Variants in ELP2 observed in about 807,000 individuals in gnomAD.
The protein encoded by ELP2 is elongator complex protein 2.
Under a neutral mutation model 119.2 loss-of-function variants are expected in ELP2, and 90 were observed. That is an observed-to-expected ratio of 0.75 (90% CI 0.64 to 0.90). The LOEUF (loss-of-function observed/expected upper bound fraction) is 0.90. Among genes scored for constraint, ELP2 ranks in the 40% least tolerant of loss-of-function variants. The pLI is 0.00. For missense variants in ELP2, 921 were observed against 967.8 expected (o/e 0.95, Z 0.64); for synonymous variants, 339 against 331.0 (o/e 1.02, Z -0.26).
Position 36,155,009 on chromosome 18 carries a change from CTTATTTATTTAT to C in ELP2, c.1275+17_1275+28del, listed in dbSNP as rs751908005. 1 of 1,606,624 alleles carries C rather than the reference CTTATTTATTTAT, an allele frequency of 6.2e-7. No homozygotes were observed. The highest frequency in any genetic ancestry group is 8.5e-7 in the Non-Finnish European group (1 of 1,173,700). On this transcript the variant is annotated intron_variant, in intron 12 of 21. Transcript: ENST00000358232. ...AAAAGACCAATCACAGGTAAAATGTCTTATTTATTTATTTATTTTTTCTTGGGACAGAGTTTC... is the reference window on the plus strand; with the variant it reads ...AAAAGACCAATCACAGGTAAAATGTCTTATTTTTTCTTGGGACAGAGTTTC...
intron 11 of ELP2, among the ~76,000 whole-genome samples, chr18:36,149,521 C>T (rs1298986367): frequency 3.2e-5 from 4 of 124,666 alleles, no homozygotes; most frequent in Non-Finnish European, 4.8e-5. Context: ...ATCATCCCTG[C>T]TGTTCCAGTA....
intron 18 of ELP2, chr18:36,164,871 CCTA>C: frequency 1.7e-6 from 1 of 591,306 alleles, no homozygotes; most frequent in Non-Finnish European, 3.0e-6. Context: ...TTTGGGTTGA[CCTA>C]CTTGTGATTA....
At chr18:36,151,701 G>T (rs1016779259) in intron 11 of ELP2, among the ~76,000 whole-genome samples, 1 of 151,026 alleles carries the variant, frequency 6.6e-6, no homozygotes, top group African/African-American at 2.4e-5. Context: ...AGAAATGATG[G>T]TTGGGCATCC....
chr18:36,137,699 A>G (rs2089874849), intron 3 of ELP2, among the ~76,000 whole-genome samples: 1 of 150,890 alleles, frequency 6.6e-6, no homozygotes, highest in Admixed American at 6.7e-5. Context: ...TTGCAGCCCT[A>G]CTTGATTTAG....
rs959469830 is a variant in ELP2, at chr18:36,176,734, A to G, written c.*2093A>G. 1 of 151,326 alleles carries G rather than the reference A, an allele frequency of 6.6e-6. No individual in the cohort carries two copies. Among genetic ancestry groups the G allele is most frequent in the Non-Finnish European group, 1.5e-5 (1 of 68,032 alleles). 9.4% of individuals were successfully genotyped at this position (151,326 alleles called of 1,614,324 possible). On this transcript the variant is annotated 3_prime_UTR_variant, in exon 22 of 22. Coordinates refer to ENST00000358232, the MANE Select transcript of ELP2 (RefSeq NM_018255.4). ...GTAATTCATAATATCTGAAGCAATT[A>G]TTATGAATTGTAGTAATTCATAATA...
rs777786974 is a variant in ELP2 at position 36,174,894 on chromosome 18, C to T, written c.*253C>T. On this transcript the variant is annotated 3_prime_UTR_variant, in exon 22 of 22. Coordinates refer to ENST00000358232, the MANE Select transcript of ELP2 (RefSeq NM_018255.4). ...ATTTTTAGTAGAGACTGGGTTTCAC[C>T]GTTGGCCAGGCGGGTCTCAAACTCC... 6 of 403,780 alleles carry T rather than the reference C, an allele frequency of 1.5e-5. No individual in the cohort carries two copies. The highest frequency in any genetic ancestry group is 5.0e-5 in the East Asian group (1 of 19,844). The allele number at this position is 403,780 out of a possible 1,614,324, so 25.0% of individuals were successfully genotyped here.
intron 3 of ELP2, chr18:36,137,337 T>G (rs1200484882): frequency 6.6e-6 from 1 of 152,212 alleles, no homozygotes; most frequent in African/African-American, 2.4e-5. Flanking sequence ...CCACTGCACC[T>G]GGCTTAAGTG....
chr18:36,151,056 C>T (rs1207409575), intron 11 of ELP2, among the ~76,000 whole-genome samples: 1 of 149,524 alleles, frequency 6.7e-6, no homozygotes, highest in East Asian at 2.0e-4. Context: ...TCAGATTTTT[C>T]ACTGTAGTCT....
At chr18:36,140,171 A>G (rs2089971733) in intron 5 of ELP2, among the ~76,000 whole-genome samples, 1 of 146,952 alleles carries the variant, frequency 6.8e-6, no homozygotes, top group Non-Finnish European at 1.5e-5. Flanking sequence ...TAAATTTTTT[A>G]TTTTATTTTT....
intron 18 of ELP2, chr18:36,166,887 C>T: frequency 3.0e-6 from 1 of 337,426 alleles, no homozygotes; most frequent in Non-Finnish European, 5.3e-6. Context: ...AGAGAGTGAC[C>T]AGTCAGTACA....
At position 36,175,812 on chromosome 18, in the gene ELP2, A is replaced by AT. The variant is rs1249667028; in HGVS notation, c.*1174dup. Reference sequence around the variant, plus strand: ...TCCAGCCCTGTTGGAACATAGAGCCATTTGGCAGATTGACAATGCAGTGAC... The same window carrying AT: ...TCCAGCCCTGTTGGAACATAGAGCCATTTTGGCAGATTGACAATGCAGTGAC... On this transcript the variant is annotated 3_prime_UTR_variant, in exon 22 of 22. Transcript: ENST00000358232. The AT allele has an allele frequency of 6.6e-6, 1 of 152,028 alleles. No homozygotes were observed. Among genetic ancestry groups the AT allele is most frequent in the African/African-American group, 2.4e-5 (1 of 41,382 alleles). The allele number at this position is 152,028 out of a possible 1,614,324, so 9.4% of individuals were successfully genotyped here.
rs7235804 is a variant in ELP2, at chr18:36,159,862, G to A, written c.1630+32G>A. On this transcript the variant is annotated intron_variant, in intron 15 of 21. Coordinates refer to ENST00000358232, the MANE Select transcript of ELP2 (RefSeq NM_018255.4). ...TGTGACAAAGACAATTTAATAAATC[G>A]CTAGAACACACAGTATGTTATCTAT... 1.8e-3 allele frequency: 2,838 copies of A among 1,605,964 alleles called. 42 individuals are homozygous for A. In the African/African-American group the frequency reaches 0.03, roughly 17 times the overall value.
chr18:36,146,722 C>T (rs778476719), intron 11 of ELP2, among the ~76,000 whole-genome samples: 3 of 151,986 alleles, frequency 2.0e-5, no homozygotes, highest in South Asian at 4.1e-4. Flanking sequence ...TTGTGACTGA[C>T]GTTCAACACC....
intron 11 of ELP2, among the ~76,000 whole-genome samples, chr18:36,148,355 ACCCACTGCG>A (rs1321887456): frequency 6.6e-6 from 1 of 152,024 alleles, no homozygotes; most frequent in Non-Finnish European, 1.5e-5. Context: ...TACAGGTGTG[ACCCACTGCG>A]CCCAGCTGGT....
intron 1 of ELP2, 35 bp from the exon 2 acceptor site, chr18:36,133,203 A>C: frequency 2.8e-6 from 4 of 1,404,724 alleles, no homozygotes; most frequent in Non-Finnish European, 4.0e-6. Flanking sequence ...TGTAGGATAA[A>C]TTCCAGTTTA....
chr18:36,156,862 A>T (rs1030396409), intron 13 of ELP2, among the ~76,000 whole-genome samples: 27 of 152,196 alleles, frequency 1.8e-4, no homozygotes, highest in African/African-American at 6.5e-4. Context: ...ATGAGCTCAA[A>T]ATACTACAAA....
chr18:36,139,364 A>G lies in ELP2; in HGVS notation c.523+492A>G, dbSNP rs548233040. On this transcript the variant is annotated intron_variant, in intron 5 of 21. Transcript: ENST00000358232. ...AACCCATCTGTATTTATCTTTGAGTATCTTCTACAAAGATAATAGCCAGTG... is the reference window on the plus strand; with the variant it reads ...AACCCATCTGTATTTATCTTTGAGTGTCTTCTACAAAGATAATAGCCAGTG... 6.4e-5 allele frequency: 95 copies of G among 1,477,832 alleles called. 1 individual carries two copies. The South Asian group carries it at 1.1e-3, about 17-fold the overall frequency. 91.5% of individuals were successfully genotyped at this position (1,477,832 alleles called of 1,614,324 possible).
intron 13 of ELP2, among the ~76,000 whole-genome samples, chr18:36,157,386 GGAGA>G (rs1231949681): frequency 2.6e-5 from 4 of 152,094 alleles, no homozygotes; most frequent in African/African-American, 7.2e-5. Context: ...AAAAAGAAGG[GGAGA>G]GAGAGGGAGA....
intron 9 of ELP2, 82 bp from the exon 10 acceptor site, chr18:36,145,866 C>T (rs1192911294): frequency 1.8e-6 from 2 of 1,113,330 alleles, no homozygotes. Flanking sequence ...TTGCAGTACC[C>T]ATGTTGTTTG....
Sources: allele counts gnomAD v4.1 joint callset (sites outside exome capture counted in the v4.1 genomes callset), GRCh38; gene constraint gnomAD v4.1.1; transcripts MANE v1.5; gene names NCBI Gene and HGNC (gene_info 2026-07-23, HGNC 2026-07-21).